Variants in MOCOS observed in about 807,000 individuals in gnomAD.
The protein encoded by MOCOS is human molybdenum cofactor sulfurase.
In MOCOS, 86 loss-of-function variants were observed where a neutral mutation model predicts 83.6. The observed-to-expected ratio is 1.03, with a 90% confidence interval of 0.86 to 1.23. MOCOS has a LOEUF of 1.23. Among genes scored for constraint, MOCOS ranks in the 50% most tolerant of loss-of-function variants. The pLI, the probability that MOCOS is intolerant of heterozygous loss-of-function variation, is 0.00. For synonymous variants in MOCOS, 445 were observed against 434.7 expected (o/e 1.02, Z -0.29); for missense variants, 1,120 against 1,126.9 (o/e 0.99, Z 0.09).
At chr18:36,195,463 C>A in intron 2 of MOCOS, 117 bp downstream of exon 2, 2 of 981,508 alleles carry the variant, frequency 2.0e-6, no homozygotes, top group Non-Finnish European at 3.2e-6. Context: ...GCTGAATAAG[C>A]CCCATGTAAG....
chr18:36,262,660 G>C (rs2091668089), intron 13 of MOCOS, among the ~76,000 whole-genome samples: 1 of 151,958 alleles, frequency 6.6e-6, no homozygotes, highest in Non-Finnish European at 1.5e-5. Context: ...CACCACACCT[G>C]GCTAAATTTT....
intron 9 of MOCOS, 102 bp from the exon 10 acceptor site, chr18:36,248,820 T>C: frequency 1.1e-6 from 1 of 912,010 alleles, no homozygotes; most frequent in East Asian, 2.6e-5. Context: ...TTTATGTCAG[T>C]ACCATGCTGT....
At chr18:36,198,988 A>G (rs1227692577) in intron 3 of MOCOS, among the ~76,000 whole-genome samples, 1 of 152,196 alleles carries the variant, frequency 6.6e-6, no homozygotes, top group Non-Finnish European at 1.5e-5. Flanking sequence ...TGAGGTGCAC[A>G]CAGCTGTTCT....
At chr18:36,244,544 A>G (rs926229766) in intron 9 of MOCOS, among the ~76,000 whole-genome samples, 6 of 152,070 alleles carry the variant, frequency 3.9e-5, no homozygotes, top group Admixed American at 6.6e-5. Flanking sequence ...TGGCCATGAT[A>G]TGGTTCATCT....
rs540967 is a variant in MOCOS, at chr18:36,199,933, A to G, written c.550A>G (p.Ser184Gly). ...GGACCTGTGGTCTGCAGAGGAACGT[A>G]GTGCTTCAGCCAGCAACCCAGACTG... The part of the protein sequence containing the change: ...PEDLWSAEER[S>G]ASASNPDCQL... Residue 184 changes from serine (S) to glycine (G), a missense_variant, in exon 4 of 15, where the codon AGT becomes GGT. Physicochemically the swap from Ser to Gly is moderately conservative, Grantham distance 56. Coordinates refer to ENST00000261326, the MANE Select transcript of MOCOS (RefSeq NM_017947.4). The G allele has an allele frequency of 1, 1,612,041 of 1,614,222 alleles. 804,960 individuals carry two copies. The highest frequency in any genetic ancestry group is 1 in the East Asian group (44,868 of 44,868).
intron 8 of MOCOS, 50 bp from the exon 9 acceptor site, chr18:36,220,005 G>T: frequency 6.2e-7 from 1 of 1,611,218 alleles, no homozygotes; most frequent in South Asian, 1.1e-5. Flanking sequence ...AATAGGTGAA[G>T]ACCAACTTTG....
rs1012694023 is a variant in MOCOS at position 36,269,753 on chromosome 18, A to G, written c.*1068A>G. 1 of 152,126 alleles carries G rather than the reference A, an allele frequency of 6.6e-6. No individual in the cohort carries two copies. Among genetic ancestry groups the G allele is most frequent in the Non-Finnish European group, 1.5e-5 (1 of 68,112 alleles). 9.4% of individuals were successfully genotyped at this position (152,126 alleles called of 1,614,324 possible). ...GTCCATGTGTGAACCCAGTCCCTTC[A>G]TCATCTTCCCCCTGGATGGTTGTAT... On this transcript the variant is annotated 3_prime_UTR_variant, in exon 15 of 15. Coordinates refer to ENST00000261326, the MANE Select transcript of MOCOS (RefSeq NM_017947.4).
chr18:36,271,290 A>G lies in MOCOS; in HGVS notation c.*2605A>G, dbSNP rs1450905855. On this transcript the variant is annotated 3_prime_UTR_variant, in exon 15 of 15. Transcript: ENST00000261326. ...TCTCTAGTGTCAGCAGACAATACTCAAAATTTGTTGACAGACTATTTAAAG... is the reference window on the plus strand; with the variant it reads ...TCTCTAGTGTCAGCAGACAATACTCGAAATTTGTTGACAGACTATTTAAAG... 1.3e-5 allele frequency: 2 copies of G among 152,188 alleles called. No homozygotes were observed. Among genetic ancestry groups the G allele is most frequent in the Non-Finnish European group, 2.9e-5 (2 of 68,038 alleles). The allele number at this position is 152,188 out of a possible 1,614,324, so 9.4% of individuals were successfully genotyped here. A position where few individuals can be genotyped will look rare whatever the true frequency, so the allele number is the denominator to read the frequency against.
rs1255375212 is a variant in MOCOS, at chr18:36,220,141, GA to G, written c.1886del (p.Lys629SerfsTer8). On this transcript the variant is annotated frameshift_variant, in exon 9 of 15. Transcript: ENST00000261326. LOFTEE classifies it high-confidence loss of function. ...VNHNGVCLSQ[K>X]QEPRLCLIQP... is the part of the protein sequence containing the mutation. ...ATCACAATGGTGTTTGCCTGAGTCA[GA>G]AGCAGGAACCCCGGCTCTGCCTGAT... 2 of 1,614,022 alleles carry G rather than the reference GA, an allele frequency of 1.2e-6. No individual in the cohort carries two copies. The highest frequency in any genetic ancestry group is 2.7e-5 in the African/African-American group (2 of 74,920).
At chr18:36,258,132 T>G (rs1327722593) in intron 12 of MOCOS, among the ~76,000 whole-genome samples, 3 of 151,742 alleles carry the variant, frequency 2.0e-5, no homozygotes, top group Non-Finnish European at 4.4e-5. Context: ...TGCAGTTTTT[T>G]GGGGTTCTTC....
At position 36,271,170 on chromosome 18, in the gene MOCOS, C is replaced by G. The variant is rs1208030404; in HGVS notation, c.*2485C>G. 6.6e-6 allele frequency: 1 copy of G among 152,026 alleles called. No homozygotes were observed. Among genetic ancestry groups the G allele is most frequent in the Non-Finnish European group, 1.5e-5 (1 of 68,020 alleles). The allele number at this position is 152,026 out of a possible 1,614,324, so 9.4% of individuals were successfully genotyped here. On this transcript the variant is annotated 3_prime_UTR_variant, in exon 15 of 15. Coordinates refer to ENST00000261326, the MANE Select transcript of MOCOS (RefSeq NM_017947.4). ...AATGCAGATCCTCTCCTTTACAGCA[C>G]TATTATTTGGTTATCTACTTATAAT...
At chr18:36,215,385 C>T (rs2091471881) in intron 7 of MOCOS, 131 bp from the exon 8 acceptor site, 7 of 852,532 alleles carry the variant, frequency 8.2e-6, no homozygotes, top group Admixed American at 6.0e-5. Context: ...AGACGCACAG[C>T]ACATATTAAT....
rs773443476 is a variant in MOCOS, at chr18:36,198,652, A to G, written c.233-38A>G. 5 of 1,605,928 alleles carry G rather than the reference A, an allele frequency of 3.1e-6. No individual in the cohort carries two copies. The South Asian group carries it at 5.5e-5, about 18-fold the overall frequency. ...AAGGAACACAAAAGAAGCGACCCTA[A>G]GTAGTGACTTGGTGGCCTTGTCTTT... is the stretch of plus-strand genomic sequence containing the variant. On this transcript the variant is annotated intron_variant, in intron 2 of 14. Coordinates refer to ENST00000261326, the MANE Select transcript of MOCOS (RefSeq NM_017947.4).
chr18:36,256,987 G>T lies in MOCOS; in HGVS notation c.2184G>T (p.Met728Ile). The T allele has an allele frequency of 6.2e-7, 1 of 1,613,976 alleles. No homozygotes were observed. Among genetic ancestry groups the T allele is most frequent in the Non-Finnish European group, 8.5e-7 (1 of 1,179,932 alleles). Residue 728 changes from methionine to isoleucine, a missense_variant, in exon 12 of 15, where the codon ATG becomes ATT. Transcript: ENST00000261326. The part of the protein sequence containing the change: ...KHGKDQLPGT[M>I]ATLSLVNEAQ... The stretch of plus-strand genomic sequence containing the variant: ...TTTCAGATCAACTTCCTGGTACAAT[G>T]GCCACCCTTTCTCTGGTGAATGAGG...
At chr18:36,247,187 C>T (rs925570518) in intron 9 of MOCOS, among the ~76,000 whole-genome samples, 2 of 152,144 alleles carry the variant, frequency 1.3e-5, no homozygotes, top group African/African-American at 4.8e-5. Context: ...CCAGCAAGGC[C>T]AGTCTCACTC....
At chr18:36,205,053 C>A in intron 5 of MOCOS, 24 bp from the exon 6 acceptor site, 1 of 1,106,508 alleles carries the variant, frequency 9.0e-7, no homozygotes, top group Non-Finnish European at 1.3e-6. Flanking sequence ...TCATGATTCT[C>A]TTGTGTTTCA....
In MOCOS at chr18:36,220,132, C is replaced by T. The variant is rs1329471974; in HGVS notation, c.1875C>T (p.Cys625=). ...SWMVVNHNGV[C]LSQKQEPRLC... is the part of the protein sequence containing the mutation. The stretch of plus-strand genomic sequence containing the variant: ...TGGTTGTGAATCACAATGGTGTTTG[C>T]CTGAGTCAGAAGCAGGAACCCCGGC... The change falls in exon 9 of 15, where the codon TGC becomes TGT. Residue 625 remains cysteine (C), a synonymous_variant. Transcript: ENST00000261326. 6.2e-7 allele frequency: 1 copy of T among 1,614,086 alleles called. No individual in the cohort carries two copies. The highest frequency in any genetic ancestry group is 1.3e-5 in the African/African-American group (1 of 75,022).
At chr18:36,213,506 A>G (rs1341548682) in intron 7 of MOCOS, 24 bp downstream of exon 7, 6 of 1,593,460 alleles carry the variant, frequency 3.8e-6, no homozygotes, top group Non-Finnish European at 5.2e-6. Context: ...TCTGCGATCC[A>G]GACGCTGGTC....
At chr18:36,221,622 CTGT>C (rs2091496240) in intron 9 of MOCOS, among the ~76,000 whole-genome samples, 3 of 109,134 alleles carry the variant, frequency 2.7e-5, no homozygotes, top group African/African-American at 1.0e-4. Context: ...CTGTTCTGTT[CTGT>C]TCTGTTCTGT....
Sources: gnomAD v4.1 joint callset for allele counts (sites outside exome capture counted in the v4.1 genomes callset) on GRCh38, gnomAD v4.1.1 for gene constraint, MANE v1.5 for transcripts, NCBI Gene and HGNC (gene_info 2026-07-23, HGNC 2026-07-21) for gene names.